RPH3AL: variants seen among roughly 807,000 people sequenced by gnomAD.
The protein encoded by RPH3AL is rabphilin 3A like (without C2 domains), also known as rab effector Noc2.
Under a neutral mutation model 43.1 loss-of-function variants are expected in RPH3AL, and 38 were observed. The observed-to-expected ratio is 0.88, with a 90% CI of 0.68 to 1.15. The LOEUF is 1.15. Ranked by LOEUF, RPH3AL falls within the 50% of genes most tolerant of loss-of-function variation. The pLI is 0.00. For synonymous variants in RPH3AL, 189 were observed against 176.3 expected, an observed-to-expected ratio of 1.07 and a Z score of -0.57; for missense variants, 462 against 423.2, an observed-to-expected ratio of 1.09 and a Z score of -0.81.
intron 7 of RPH3AL, among the ~76,000 whole-genome samples, chr17:239,467 A>G (rs577180178): frequency 1.3e-4 from 19 of 151,652 alleles, no homozygotes; most frequent in Middle Eastern, 3.4e-3. Context: ...CCCTTTCTCT[A>G]CTCTTGTCTA....
At position 323,672 on chromosome 17, in the gene RPH3AL, C is replaced by T. The variant is rs751477792; in HGVS notation, c.78-2257G>A. 1.2e-4 allele frequency among the ~76,000 whole-genome samples: 18 copies of T among 152,188 alleles called. No homozygotes were observed. Among genetic ancestry groups the T allele is most frequent in the Admixed American group, 3.3e-4 (5 of 15,288 alleles). On this transcript the variant is annotated intron_variant, in intron 3 of 9. Coordinates refer to ENST00000331302, the MANE Select transcript of RPH3AL (RefSeq NM_006987.4). The surrounding 1 kb of genome is among the most constrained non-coding windows in gnomAD (Gnocchi z 4.4). ...TCCCAGGAACACACAGAAGGAGGGACAGAAGCATCAGCACCGCCACCACTG... is the reference window on the plus strand; with the variant it reads ...TCCCAGGAACACACAGAAGGAGGGATAGAAGCATCAGCACCGCCACCACTG...
intron 7 of RPH3AL, among the ~76,000 whole-genome samples, chr17:231,071 G>A (rs1394114431): frequency 1.3e-5 from 2 of 152,178 alleles, no homozygotes; most frequent in Non-Finnish European, 2.9e-5. Flanking sequence ...TGTGTTCAGA[G>A]CCTTCTAGAG....
At chr17:242,330 T>C (rs546511706) in intron 7 of RPH3AL, among the ~76,000 whole-genome samples, 297 of 109,634 alleles carry the variant, frequency 2.7e-3, no homozygotes, top group African/African-American at 9.5e-3. Flanking sequence ...CCTTCCTCTA[T>C]TGACTACCTT....
At chr17:308,113 C>T (rs900022925) in intron 5 of RPH3AL, among the ~76,000 whole-genome samples, 2 of 152,226 alleles carry the variant, frequency 1.3e-5, no homozygotes, top group Non-Finnish European at 2.9e-5. Flanking sequence ...GGCAAACACT[C>T]GTCTTCCACG....
In RPH3AL at chr17:218,081, G is replaced by C. The variant is rs1008804184; in HGVS notation, c.727+1542C>G. 2.2e-5 allele frequency among the ~76,000 whole-genome samples: 3 copies of C among 135,692 alleles called. No homozygotes were observed. In the Admixed American group the frequency reaches 2.3e-4, roughly 10 times the overall value. 89.0% of individuals were successfully genotyped at this position (135,692 alleles called of 152,430 possible). ...CCAAGGCATTTCGTTCCCATCTGGG[G>C]CAGTTATTATGGAGCCCTTTCTTCT... On this transcript the variant is annotated intron_variant, in intron 8 of 9. Coordinates refer to ENST00000331302, the MANE Select transcript of RPH3AL (RefSeq NM_006987.4).
chr17:311,321 A>C (rs1351481363), intron 5 of RPH3AL, among the ~76,000 whole-genome samples: 1 of 152,122 alleles, frequency 6.6e-6, no homozygotes, highest in Non-Finnish European at 1.5e-5. Flanking sequence ...TGTGCTCCCC[A>C]GGCATCATCC....
At position 333,045 on chromosome 17, in the gene RPH3AL, C is replaced by T. The variant is rs946277353; in HGVS notation, c.-37+714G>A. The T allele has an allele frequency of 8.5e-6, 11 of 1,289,054 alleles. No individual in the cohort carries two copies. The African/African-American group carries it at 1.1e-4, about 12-fold the overall frequency. The allele number at this position is 1,289,054 out of a possible 1,614,324, so 79.9% of individuals were successfully genotyped here. ...CTGAGACAGATCGGTAAAAACAACC[C>T]CTTCTTCCAGGAGGATGCAATTCTC... On this transcript the variant is annotated intron_variant, in intron 2 of 9. Transcript: ENST00000331302. This position sits in a 1 kb window ranked among gnomAD's most constrained non-coding sequence, Gnocchi z 4.5.
At chr17:327,851 G>C (rs558303270) in intron 2 of RPH3AL, among the ~76,000 whole-genome samples, 24 of 152,320 alleles carry the variant, frequency 1.6e-4, no homozygotes, top group African/African-American at 5.3e-4. Flanking sequence ...CAAAAGGTTA[G>C]AGTCAGAAAG....
intron 5 of RPH3AL, among the ~76,000 whole-genome samples, chr17:315,159 C>G (rs2043917211): frequency 6.7e-6 from 1 of 150,110 alleles, no homozygotes; most frequent in Non-Finnish European, 1.5e-5. Context: ...CCTGTAGTCC[C>G]TGTGCCCCCA....
intron 6 of RPH3AL, among the ~76,000 whole-genome samples, chr17:253,421 G>C (rs985794758): frequency 1.3e-5 from 2 of 152,308 alleles, no homozygotes; most frequent in Middle Eastern, 3.4e-3. Flanking sequence ...GTGCCAGTGA[G>C]TCCTCAGCTC....
intron 1 of RPH3AL, chr17:352,508 T>C (rs1360790850): frequency 6.6e-6 from 1 of 152,072 alleles, no homozygotes; most frequent in Non-Finnish European, 1.5e-5. Flanking sequence ...GCCTCTTCTT[T>C]AGAAGCAGCA....
chr17:317,061 T>A (rs1415082309), intron 5 of RPH3AL, among the ~76,000 whole-genome samples: 169 of 142,056 alleles, frequency 1.2e-3, no homozygotes, highest in African/African-American at 4.6e-3. Flanking sequence ...GTGCCCCACC[T>A]CCACTGACCT....
At chr17:305,011 A>G (rs112752717) in intron 5 of RPH3AL, among the ~76,000 whole-genome samples, 165 of 3,452 alleles carry the variant, frequency 0.048, 24 homozygotes, top group Non-Finnish European at 0.097. Flanking sequence ...GGACAGGGCG[A>G]GAGGGGGACA....
intron 6 of RPH3AL, among the ~76,000 whole-genome samples, chr17:272,188 A>G (rs930177940): frequency 6.6e-6 from 1 of 152,202 alleles, no homozygotes; most frequent in Non-Finnish European, 1.5e-5. Flanking sequence ...ATTGTGGAGG[A>G]CAGTGTGGTG....
At chr17:239,403 T>C (rs2041475388) in intron 7 of RPH3AL, among the ~76,000 whole-genome samples, 1 of 152,252 alleles carries the variant, frequency 6.6e-6, no homozygotes, top group Admixed American at 6.5e-5. Flanking sequence ...GTCTGTTAGC[T>C]TCTCATTAAG....
intron 5 of RPH3AL, among the ~76,000 whole-genome samples, 183 bp from the exon 6 acceptor site, chr17:282,037 GTA>G (rs552618197): frequency 6.6e-6 from 1 of 152,156 alleles, no homozygotes; most frequent in Non-Finnish European, 1.5e-5. Context: ...GGCTTTGGAC[GTA>G]ATGGATGGCC....
intron 7 of RPH3AL, among the ~76,000 whole-genome samples, chr17:242,229 C>T (rs955835982): frequency 6.6e-6 from 1 of 152,082 alleles, no homozygotes; most frequent in African/African-American, 2.4e-5. Context: ...AAGTTCATGA[C>T]TTGTAGTATC....
chr17:232,422 C>A (rs2041250253), intron 7 of RPH3AL, among the ~76,000 whole-genome samples: 1 of 152,224 alleles, frequency 6.6e-6, no homozygotes, highest in South Asian at 2.1e-4. Flanking sequence ...GCACCAAGGG[C>A]CAAAGCCCAT....
rs1017734249 is a variant in RPH3AL at position 225,638 on chromosome 17, G to A, written c.614-5902C>T. ...GTGTCCAGCAGGAGGACAGTCCTGC[G>A]GAGGGTGGGGTGGCTCGTCTGCACA... On this transcript the variant is annotated intron_variant, in intron 7 of 9. Coordinates refer to ENST00000331302, the MANE Select transcript of RPH3AL (RefSeq NM_006987.4). The surrounding 1 kb of genome is among the most constrained non-coding windows in gnomAD (Gnocchi z 4.4). 5.9e-5 allele frequency among the ~76,000 whole-genome samples: 9 copies of A among 152,280 alleles called. No homozygotes were observed. The highest frequency in any genetic ancestry group is 1.2e-4 in the Non-Finnish European group (8 of 68,024).
Sources: allele counts gnomAD v4.1 joint callset (sites outside exome capture counted in the v4.1 genomes callset), GRCh38; gene constraint gnomAD v4.1.1; non-coding constraint Gnocchi (gnomAD v3.1); transcripts MANE v1.5; gene names NCBI Gene and HGNC (gene_info 2026-07-23, HGNC 2026-07-21).